The following VSTM4 variants were observed in gnomAD, a reference collection of about 807,000 sequenced individuals.
VSTM4 encodes the protein V-set and transmembrane domain containing 4.
In VSTM4, 20 loss-of-function variants were observed where a neutral mutation model predicts 36.4. That is an observed-to-expected ratio of 0.55 (90% CI 0.39 to 0.80). VSTM4 has a LOEUF of 0.80. Ranked by LOEUF, VSTM4 falls within the 30% of genes least tolerant of loss-of-function variation. The probability of loss-of-function intolerance (pLI) is 0.00; values close to 1 mark genes in which losing one functional copy is unlikely to be tolerated. For synonymous variants in VSTM4, 182 were observed against 173.9 expected (o/e 1.05, Z -0.37); for missense variants, 392 against 404.5 (o/e 0.97, Z 0.26).
Position 49,078,606 on chromosome 10 carries a change from T to C in VSTM4, c.527-1280A>G, listed in dbSNP as rs956675736. ...TAACATTCTTGATATGACAAAATTA[T>C]AGAAATAGAGAACAGATGAGTGGTT... On this transcript the variant is annotated intron_variant, in intron 3 of 7. Transcript: ENST00000332853. 2.6e-5 allele frequency among the ~76,000 whole-genome samples: 4 copies of C among 151,718 alleles called. No individual in the cohort carries two copies. The South Asian group carries it at 6.3e-4, about 24-fold the overall frequency.
chr10:49,049,704 A>G (rs1055294742), intron 5 of VSTM4, among the ~76,000 whole-genome samples: 12 of 152,174 alleles, frequency 7.9e-5, no homozygotes. Context: ...ACATGAAAAC[A>G]TGCTAAAGCT....
At chr10:49,110,088 C>T (rs1844865045) in intron 1 of VSTM4, among the ~76,000 whole-genome samples, 1 of 152,334 alleles carries the variant, frequency 6.6e-6, no homozygotes, top group African/African-American at 2.4e-5. Context: ...GATGCAGCAG[C>T]TGGCTTCCAG....
At position 49,080,138 on chromosome 10, in the gene VSTM4, A is replaced by G. The variant is rs541725809; in HGVS notation, c.527-2812T>C. Among the ~76,000 whole-genome samples the G allele has an allele frequency of 9.8e-5, 15 of 152,322 alleles. No individual in the cohort carries two copies. In the East Asian group the frequency reaches 2.7e-3, roughly 27 times the overall value. On this transcript the variant is annotated intron_variant, in intron 3 of 7. Coordinates refer to ENST00000332853, the MANE Select transcript of VSTM4 (RefSeq NM_001031746.5). ...CTTAAACCTTAGTACAACTTTCACA[A>G]TATGTTCTCAAGATTAAGTTCCTAG...
chr10:49,021,277 GA>G (rs1843178467), intron 7 of VSTM4, among the ~76,000 whole-genome samples: 1 of 151,810 alleles, frequency 6.6e-6, no homozygotes, highest in Non-Finnish European at 1.5e-5. Context: ...TTTTAATGTG[GA>G]AAATAAACCT....
chr10:49,086,955 T>C (rs1844380784), intron 2 of VSTM4, among the ~76,000 whole-genome samples: 1 of 152,216 alleles, frequency 6.6e-6, no homozygotes, highest in South Asian at 2.1e-4. Context: ...TGAATGGAGA[T>C]AGAATCAACA....
chr10:49,033,286 T>C (rs1382656395), intron 7 of VSTM4, among the ~76,000 whole-genome samples: 2 of 152,342 alleles, frequency 1.3e-5, no homozygotes, highest in East Asian at 1.9e-4. Flanking sequence ...CAATTCAACC[T>C]GTGAACACTG....
intron 3 of VSTM4, among the ~76,000 whole-genome samples, chr10:49,078,427 G>A (rs896679779): frequency 6.6e-6 from 1 of 151,976 alleles, no homozygotes; most frequent in Non-Finnish European, 1.5e-5. Context: ...TAAACAAAGT[G>A]TGGTACATCC....
chr10:49,025,618 G>A (rs1481463395), intron 7 of VSTM4, among the ~76,000 whole-genome samples: 1 of 152,232 alleles, frequency 6.6e-6, no homozygotes, highest in Non-Finnish European at 1.5e-5. Flanking sequence ...TGGAAAGGGG[G>A]CAATGGTGAC....
intron 4 of VSTM4, among the ~76,000 whole-genome samples, chr10:49,073,524 A>C (rs1452703372): frequency 6.6e-6 from 1 of 151,822 alleles, no homozygotes; most frequent in Non-Finnish European, 1.5e-5. Context: ...TTGCACCATG[A>C]CTCCCTTGTT....
At chr10:49,048,011 A>G (rs1322787396) in intron 6 of VSTM4, among the ~76,000 whole-genome samples, 2 of 152,236 alleles carry the variant, frequency 1.3e-5, no homozygotes, top group Non-Finnish European at 1.5e-5. Context: ...CATAACTGGA[A>G]TCACAGGATA....
intron 7 of VSTM4, among the ~76,000 whole-genome samples, chr10:49,026,082 C>T (rs1487167055): frequency 6.6e-6 from 1 of 152,158 alleles, no homozygotes; most frequent in African/African-American, 2.4e-5. Flanking sequence ...ACTAGGTCTG[C>T]GTGCTCGGAC....
chr10:49,034,429 T>C (rs935327596), intron 7 of VSTM4, among the ~76,000 whole-genome samples: 1 of 152,244 alleles, frequency 6.6e-6, no homozygotes, highest in Non-Finnish European at 1.5e-5. Context: ...ATGACTGAAC[T>C]AACAATTTTT....
At chr10:49,109,526 AGCACTAGC>A (rs1343170704) in intron 1 of VSTM4, among the ~76,000 whole-genome samples, 3 of 152,334 alleles carry the variant, frequency 2.0e-5, no homozygotes, top group Admixed American at 2.0e-4. Context: ...TCAGAAGACA[AGCACTAGC>A]CCACAGGATA....
At chr10:49,088,745 G>A (rs192951677) in intron 2 of VSTM4, among the ~76,000 whole-genome samples, 56 of 152,352 alleles carry the variant, frequency 3.7e-4, no homozygotes, top group African/African-American at 1.2e-3. Flanking sequence ...AAAAAGCTTG[G>A]CTGGATTTCC....
At chr10:49,091,424 GCC>G (rs1844472037) in intron 2 of VSTM4, among the ~76,000 whole-genome samples, 1 of 152,222 alleles carries the variant, frequency 6.6e-6, no homozygotes. Flanking sequence ...GAAGAATGCA[GCC>G]CAGAGGTACT....
intron 2 of VSTM4, among the ~76,000 whole-genome samples, chr10:49,087,200 ATTC>A (rs1212607570): frequency 6.6e-6 from 1 of 151,962 alleles, no homozygotes; most frequent in Non-Finnish European, 1.5e-5. Context: ...AATTGCATTT[ATTC>A]TTTTTATTCA....
chr10:49,030,911 T>A (rs973163548), intron 7 of VSTM4, among the ~76,000 whole-genome samples: 3 of 152,206 alleles, frequency 2.0e-5, no homozygotes, highest in African/African-American at 7.2e-5. Context: ...ATAGACAGTG[T>A]TCTTGGGGAG....
intron 5 of VSTM4, among the ~76,000 whole-genome samples, chr10:49,051,802 C>T (rs1184135923): frequency 6.6e-6 from 1 of 152,110 alleles, no homozygotes; most frequent in Non-Finnish European, 1.5e-5. Flanking sequence ...TAATTTTTAG[C>T]AATTATGAAA....
intron 7 of VSTM4, among the ~76,000 whole-genome samples, chr10:49,037,641 G>C (rs950036899): frequency 6.6e-6 from 1 of 152,118 alleles, no homozygotes; most frequent in Non-Finnish European, 1.5e-5. Flanking sequence ...GGAATCAAGG[G>C]ACACAATTAA....
Sources: gnomAD v4.1 joint callset for allele counts (sites outside exome capture counted in the v4.1 genomes callset) on GRCh38, gnomAD v4.1.1 for gene constraint, MANE v1.5 for transcripts, NCBI Gene and HGNC (gene_info 2026-07-23, HGNC 2026-07-21) for gene names.